Variants in PLCH2 observed in about 807,000 individuals in gnomAD.
PLCH2 encodes phospholipase C eta 2, also known as 1-phosphatidylinositol 4,5-bisphosphate phosphodiesterase eta-2.
A neutral mutation model predicts 134.7 loss-of-function variants in PLCH2; 98 were observed. That is an observed-to-expected ratio of 0.73 (90% CI 0.62 to 0.86). The LOEUF (loss-of-function observed/expected upper bound fraction) is 0.86. PLCH2 is among the 40% of genes least tolerant of loss of function. The pLI, the probability that PLCH2 is intolerant of heterozygous loss-of-function variation, is 0.00. For synonymous variants in PLCH2, 974 were observed against 827.5 expected (o/e 1.18, Z -3.04); for missense variants, 1,994 against 1,986.6 (o/e 1.00, Z -0.07).
chr1:2,423,627 G>A (rs1275963450), upstream of PLCH2, among the ~76,000 whole-genome samples: 2 of 152,132 alleles, frequency 1.3e-5, no homozygotes, highest in Non-Finnish European at 2.9e-5. Context: ...GGGGTAAGGG[G>A]GATGAAATCA....
At chr1:2,457,475 T>G (rs975819542) in intron 2 of PLCH2, among the ~76,000 whole-genome samples, 1 of 152,066 alleles carries the variant, frequency 6.6e-6, no homozygotes, top group Non-Finnish European at 1.5e-5. Flanking sequence ...AGCCGCCTGC[T>G]CCCCAATGTC....
chr1:2,448,825 G>A lies in PLCH2; in HGVS notation c.115+18196G>A, dbSNP rs1640063662. On this transcript the variant is annotated intron_variant, in intron 2 of 3. Coordinates refer to the PLCH2 transcript ENST00000609981. This position sits in a 1 kb window ranked among gnomAD's most constrained non-coding sequence, Gnocchi z 4.0. ...GACCAAGAGGGGTACTGGAGGCCTGGACGGGCCTCACTCCATTCTTAGGGA... is the reference window on the plus strand; with the variant it reads ...GACCAAGAGGGGTACTGGAGGCCTGAACGGGCCTCACTCCATTCTTAGGGA... 6.6e-6 allele frequency among the ~76,000 whole-genome samples: 1 copy of A among 152,160 alleles called. No individual in the cohort carries two copies. The highest frequency in any genetic ancestry group is 2.4e-5 in the African/African-American group (1 of 41,454).
At chr1:2,468,727 G>A (rs937755739) in intron 1 of PLCH2, among the ~76,000 whole-genome samples, 2 of 152,238 alleles carry the variant, frequency 1.3e-5, no homozygotes, top group African/African-American at 2.4e-5. Context: ...GCATGGACAC[G>A]TGGGGTGGGA....
exon 1 of PLCH2, chr1:2,467,469 C>T (rs928335072): frequency 4.3e-5 from 17 of 392,856 alleles, no homozygotes; most frequent in African/African-American, 2.7e-4. Context: ...CACGGGCGGG[C>T]GCGGCAGGGC....
chr1:2,470,360 C>T (rs1192820654), intron 1 of PLCH2, among the ~76,000 whole-genome samples: 1 of 152,192 alleles, frequency 6.6e-6, no homozygotes, highest in Non-Finnish European at 1.5e-5. Context: ...CCAGCCCAGC[C>T]CCAGGGCCAG....
At chr1:2,454,256 TC>T (rs1393194193) in intron 2 of PLCH2, among the ~76,000 whole-genome samples, 1 of 152,100 alleles carries the variant, frequency 6.6e-6, no homozygotes, top group Non-Finnish European at 1.5e-5. Context: ...GCCCTCCAGT[TC>T]CCCGATGGCC....
At chr1:2,474,444 T>C (rs1183679190), upstream of PLCH2, among the ~76,000 whole-genome samples, 4 of 152,284 alleles carry the variant, frequency 2.6e-5, no homozygotes, top group East Asian at 7.7e-4. Flanking sequence ...ATTCCAGCTC[T>C]GCTGCTGAGG....
chr1:2,464,987 CA>C (rs535487305), upstream of PLCH2, among the ~76,000 whole-genome samples: 25 of 152,280 alleles, frequency 1.6e-4, 1 homozygote, highest in East Asian at 4.8e-3. Flanking sequence ...CACTGAAGCC[CA>C]AGAGGGCAGG....
Position 2,476,728 on chromosome 1 carries a change from C to T in PLCH2, c.124+16C>T, listed in dbSNP as rs746515058. 16 of 1,596,334 alleles carry T rather than the reference C, an allele frequency of 1.0e-5. No individual in the cohort carries two copies. Among genetic ancestry groups the T allele is most frequent in the Admixed American group, 1.7e-5 (1 of 58,246 alleles). ...GGCCCCCTGGGTAAGAAGGGGCAGG[C>T]GAGTGGCCTGGGCTGAGTGCTGGCC... On this transcript the variant is annotated intron_variant, in intron 1 of 21. Transcript: ENST00000378486.
At chr1:2,435,176 G>A (rs1639268618) in intron 2 of PLCH2, among the ~76,000 whole-genome samples, 1 of 152,198 alleles carries the variant, frequency 6.6e-6, no homozygotes. Context: ...CAGGACGAAG[G>A]AGAGCATGTG....
chr1:2,462,280 C>T (rs1640853948), intron 2 of PLCH2, among the ~76,000 whole-genome samples: 1 of 121,390 alleles, frequency 8.2e-6, no homozygotes, highest in Admixed American at 8.1e-5. Flanking sequence ...CTGCCTGGTA[C>T]CCCCTCCACC....
intron 2 of PLCH2, among the ~76,000 whole-genome samples, chr1:2,455,211 G>T (rs1212574917): frequency 2.0e-5 from 3 of 152,240 alleles, no homozygotes. Context: ...GGGACCCTCG[G>T]CTGTGGGAGC....
chr1:2,486,547 T>G (rs1026599625), intron 5 of PLCH2, among the ~76,000 whole-genome samples: 4 of 152,186 alleles, frequency 2.6e-5, no homozygotes, highest in Non-Finnish European at 5.9e-5. Flanking sequence ...GGGGGCTGCC[T>G]GTGCCTGCCT....
chr1:2,422,931 T>C (rs12022832), upstream of PLCH2, among the ~76,000 whole-genome samples: 45,425 of 152,172 alleles, frequency 0.3, 7,082 homozygotes, highest in East Asian at 0.5. Context: ...ATTGGTTTAC[T>C]GAGTTATGCA....
chr1:2,482,059 C>T (rs140238228), intron 4 of PLCH2, among the ~76,000 whole-genome samples: 167 of 152,384 alleles, frequency 1.1e-3, no homozygotes, highest in African/African-American at 3.7e-3. Context: ...TGCCAGAGTG[C>T]GCTGGGCGGG....
rs768166669 is a variant in PLCH2, at chr1:2,480,002, A to G, written c.515+25A>G. 8 of 1,596,698 alleles carry G rather than the reference A, an allele frequency of 5.0e-6. No individual in the cohort carries two copies. The African/African-American group carries it at 5.4e-5, about 11-fold the overall frequency. On this transcript the variant is annotated intron_variant, in intron 3 of 21. Coordinates refer to ENST00000378486, the MANE Select transcript of PLCH2 (RefSeq NM_014638.4). ...AATATCCTTGGGCACCTATCGGGCA[A>G]TGCAGACCCAGGGACCGGCCCCTTG... is the stretch of plus-strand genomic sequence containing the variant.
At chr1:2,464,227 G>A (rs1020200341), upstream of PLCH2, among the ~76,000 whole-genome samples, 19 of 152,264 alleles carry the variant, frequency 1.2e-4, no homozygotes, top group Middle Eastern at 3.4e-3. Flanking sequence ...GTGTTGGCAG[G>A]GGGGCTTCAC....
chr1:2,504,628 G>A lies in PLCH2; in HGVS notation c.3666G>A (p.Arg1222=). 1.2e-6 allele frequency: 2 copies of A among 1,612,704 alleles called. No individual in the cohort carries two copies. Among genetic ancestry groups the A allele is most frequent in the Non-Finnish European group, 1.7e-6 (2 of 1,179,812 alleles). ...RPPIPDELQP[R]SLAPRMAGLP... is the part of the protein sequence containing the mutation. ...CCATACCTGACGAACTGCAGCCCAG[G>A]TCCCTGGCCCCAAGGATGGCTGGCC... Residue 1222 remains arginine, a synonymous_variant, in exon 22 of 22, where the codon AGG becomes AGA. Coordinates refer to ENST00000378486, the MANE Select transcript of PLCH2 (RefSeq NM_014638.4).
chr1:2,502,578 C>T (rs146513018), intron 21 of PLCH2, 169 bp downstream of exon 21: 432 of 768,762 alleles, frequency 5.6e-4, no homozygotes, highest in Non-Finnish European at 8.6e-4. Context: ...CCACCCAGCC[C>T]GGGGCCTGCA....
Sources: allele counts gnomAD v4.1 joint callset (sites outside exome capture counted in the v4.1 genomes callset), GRCh38; gene constraint gnomAD v4.1.1; non-coding constraint Gnocchi (gnomAD v3.1); transcripts MANE v1.5; gene names NCBI Gene and HGNC (gene_info 2026-07-23, HGNC 2026-07-21).